The following SNTG2 variants were observed in gnomAD, a reference collection of about 807,000 sequenced individuals.
SNTG2 encodes gamma-2-syntrophin.
In SNTG2, 74 loss-of-function variants were observed where a neutral mutation model predicts 70.9. The ratio of observed to expected loss-of-function variants is 1.04; its 90% CI spans 0.86 to 1.27. The LOEUF (loss-of-function observed/expected upper bound fraction) is 1.27, where lower values mean the gene tolerates loss of function less well. Among genes scored for constraint, SNTG2 ranks in the 50% most tolerant of loss-of-function variants. The probability of loss-of-function intolerance (pLI) is 0.00; values close to 1 mark genes in which losing one functional copy is unlikely to be tolerated. For synonymous variants in SNTG2, 278 were observed against 273.8 expected, an observed-to-expected ratio of 1.02 and a Z score of -0.15; for missense variants, 717 against 690.7, an observed-to-expected ratio of 1.04 and a Z score of -0.43.
intron 4 of SNTG2, among the ~76,000 whole-genome samples, chr2:1,118,835 G>T (rs963997651): frequency 1.3e-5 from 2 of 151,884 alleles, no homozygotes; most frequent in Admixed American, 6.6e-5. Flanking sequence ...AGAAAAAAAG[G>T]ACAGAAAGGT....
intron 2 of SNTG2, among the ~76,000 whole-genome samples, chr2:1,091,915 C>A (rs1213193250): frequency 2.0e-5 from 3 of 152,156 alleles, no homozygotes; most frequent in Non-Finnish European, 2.9e-5. Context: ...GATGGCAAAT[C>A]CAGGCTCCCT....
intron 6 of SNTG2, among the ~76,000 whole-genome samples, 195 bp from the exon 7 acceptor site, chr2:1,165,353 T>G (rs369111062): frequency 6.1e-4 from 92 of 151,962 alleles, no homozygotes; most frequent in African/African-American, 2.1e-3. Flanking sequence ...AGATAGAGTG[T>G]GGGGGGTAGG....
chr2:1,255,882 AT>A (rs1394979722), intron 12 of SNTG2, among the ~76,000 whole-genome samples: 36 of 87,856 alleles, frequency 4.1e-4, no homozygotes, highest in African/African-American at 2.0e-3. Context: ...AAATATATAT[AT>A]AAATATATAT....
chr2:1,050,629 T>G (rs1267054734), intron 1 of SNTG2, among the ~76,000 whole-genome samples: 3 of 152,234 alleles, frequency 2.0e-5, no homozygotes, highest in African/African-American at 7.2e-5. Flanking sequence ...CAGGATTTCC[T>G]TGACTATAGT....
At chr2:1,333,810 T>G (rs1427674503) in intron 16 of SNTG2, among the ~76,000 whole-genome samples, 1 of 152,154 alleles carries the variant, frequency 6.6e-6, no homozygotes, top group East Asian at 1.9e-4. Context: ...AAGACTTAAA[T>G]CTAAGACCTG....
intron 14 of SNTG2, among the ~76,000 whole-genome samples, chr2:1,279,296 G>A (rs1013840506): frequency 1.3e-5 from 2 of 152,248 alleles, no homozygotes; most frequent in East Asian, 1.9e-4. Context: ...AAGTGCAAGA[G>A]CAGTGATGCT....
chr2:1,336,445 T>C (rs1659820601), intron 16 of SNTG2, among the ~76,000 whole-genome samples: 1 of 152,228 alleles, frequency 6.6e-6, no homozygotes, highest in African/African-American at 2.4e-5. Flanking sequence ...TTTATTGCTG[T>C]GCGGACACTG....
chr2:1,121,318 C>G (rs1040966982), intron 4 of SNTG2, among the ~76,000 whole-genome samples: 2 of 151,660 alleles, frequency 1.3e-5, no homozygotes, highest in African/African-American at 2.4e-5. Flanking sequence ...TCCTAAATAG[C>G]CTAACATTAA....
At chr2:1,223,911 C>T (rs1010771343) in intron 9 of SNTG2, among the ~76,000 whole-genome samples, 6 of 151,880 alleles carry the variant, frequency 4.0e-5, no homozygotes, top group Admixed American at 6.6e-5. Flanking sequence ...ATGCGTCCCT[C>T]GAGCTCTGGA....
chr2:1,016,735 AT>A, intron 1 of SNTG2, among the ~76,000 whole-genome samples: 1 of 152,378 alleles, frequency 6.6e-6, no homozygotes, highest in South Asian at 2.1e-4. Flanking sequence ...GCTCTGAGAC[AT>A]TTGACTGAAT....
intron 8 of SNTG2, among the ~76,000 whole-genome samples, chr2:1,196,081 T>C (rs1032989536): frequency 6.6e-6 from 1 of 152,200 alleles, no homozygotes; most frequent in African/African-American, 2.4e-5. Context: ...AGTGAGTAAC[T>C]GCTTTATAGT....
At chr2:1,192,555 CAT>C (rs763641343) in intron 8 of SNTG2, among the ~76,000 whole-genome samples, 4 of 151,962 alleles carry the variant, frequency 2.6e-5, no homozygotes, top group Non-Finnish European at 5.9e-5. Context: ...TTAGAAAACA[CAT>C]GATGTTTTCT....
intron 4 of SNTG2, among the ~76,000 whole-genome samples, chr2:1,121,538 A>G (rs533424028): frequency 6.6e-6 from 1 of 152,092 alleles, no homozygotes; most frequent in South Asian, 2.1e-4. Context: ...ACTGTCTGAG[A>G]CTGGGTAATT....
chr2:1,075,480 G>A (rs1663857709), intron 1 of SNTG2, among the ~76,000 whole-genome samples: 1 of 152,184 alleles, frequency 6.6e-6, no homozygotes, highest in South Asian at 2.1e-4. Context: ...AAGAAAATGT[G>A]GAAAGTGTTT....
At chr2:1,101,270 G>A (rs1315284348) in intron 4 of SNTG2, among the ~76,000 whole-genome samples, 1 of 152,016 alleles carries the variant, frequency 6.6e-6, no homozygotes, top group Non-Finnish European at 1.5e-5. Flanking sequence ...ACCCCTCCAG[G>A]CCCAGGCCCA....
At chr2:1,273,595 A>G (rs376374800) in intron 14 of SNTG2, among the ~76,000 whole-genome samples, 88 of 151,300 alleles carry the variant, frequency 5.8e-4, no homozygotes, top group Non-Finnish European at 8.8e-5. Flanking sequence ...GGATGCCTAT[A>G]TACGAAAAAA....
In SNTG2 at chr2:1,224,790, C is replaced by T. The variant is rs140018552; in HGVS notation, c.720-13098C>T. Among the ~76,000 whole-genome samples, 107 of 152,290 alleles carry T rather than the reference C, an allele frequency of 7.0e-4. 1 individual carries two copies. Among genetic ancestry groups the T allele is most frequent in the African/African-American group, 2.4e-3 (98 of 41,558 alleles). On this transcript the variant is annotated intron_variant, in intron 9 of 16. Transcript: ENST00000308624. ...TGCCTGGGTGTTCTGAATCGGGGCT[C>T]GCCTCACTCTATGGCTCATTTCAGA...
At chr2:1,231,698 G>T (rs1192459378) in intron 9 of SNTG2, among the ~76,000 whole-genome samples, 2 of 152,108 alleles carry the variant, frequency 1.3e-5, no homozygotes, top group Admixed American at 1.3e-4. Context: ...CCCACAGCGT[G>T]GCTGAGATAG....
At chr2:1,118,020 C>CAG (rs1246399092) in intron 4 of SNTG2, among the ~76,000 whole-genome samples, 2 of 151,628 alleles carry the variant, frequency 1.3e-5, no homozygotes, top group East Asian at 3.9e-4. Context: ...GGGTCAGAAC[C>CAG]AGAGCTAAAA....
Sources: gnomAD v4.1 joint callset for allele counts (sites outside exome capture counted in the v4.1 genomes callset) on GRCh38, gnomAD v4.1.1 for gene constraint, MANE v1.5 for transcripts, NCBI Gene and HGNC (gene_info 2026-07-23, HGNC 2026-07-21) for gene names.